The following FYB2 variants were observed in gnomAD, a reference collection of about 807,000 sequenced individuals.
The protein encoded by FYB2 is FYN-binding protein 2.
Under a neutral mutation model 94.1 loss-of-function variants are expected in FYB2, and 103 were observed. The observed-to-expected ratio is 1.09, with a 90% confidence interval of 0.93 to 1.29. FYB2 has a LOEUF of 1.29. Ranked by LOEUF, FYB2 falls within the 50% of genes most tolerant of loss-of-function variation. FYB2 has a pLI of 0.00. For missense variants in FYB2, 896 were observed against 841.5 expected (o/e 1.06, Z -0.80); for synonymous variants, 293 against 287.9 (o/e 1.02, Z -0.18).
chr1:56,792,891 A>C, intron 1 of FYB2, 88 bp from the exon 2 acceptor site: 1 of 1,377,130 alleles, frequency 7.3e-7, no homozygotes, highest in Non-Finnish European at 9.9e-7. Context: ...ATTCCAAGAA[A>C]AAAAGTCAGT....
At chr1:56,759,938 A>G (rs986824777) in intron 5 of FYB2, among the ~76,000 whole-genome samples, 1 of 152,068 alleles carries the variant, frequency 6.6e-6, no homozygotes, top group Non-Finnish European at 1.5e-5. Flanking sequence ...AAAATTAGTC[A>G]GGCACAGTGG....
intron 7 of FYB2, among the ~76,000 whole-genome samples, chr1:56,755,155 A>G (rs1393453444): frequency 6.6e-6 from 1 of 152,134 alleles, no homozygotes; most frequent in Non-Finnish European, 1.5e-5. Context: ...ACTATGTGCC[A>G]GGGCATTCCT....
At chr1:56,788,235 AC>A (rs1370678327) in intron 3 of FYB2, among the ~76,000 whole-genome samples, 5 of 152,184 alleles carry the variant, frequency 3.3e-5, no homozygotes, top group African/African-American at 4.8e-5. Flanking sequence ...ATGAACAAAG[AC>A]TGTGTTAGCT....
chr1:56,778,252 T>C (rs926507981), intron 4 of FYB2, among the ~76,000 whole-genome samples: 1 of 152,208 alleles, frequency 6.6e-6, no homozygotes, highest in South Asian at 2.1e-4. Flanking sequence ...ACAGCCCTCC[T>C]TCCCACCTAT....
rs543775886 is a variant in FYB2 at position 56,793,116 on chromosome 1, A to G, written c.10-313T>C. 7.9e-5 allele frequency among the ~76,000 whole-genome samples: 12 copies of G among 152,306 alleles called. No individual in the cohort carries two copies. In the South Asian group the frequency reaches 2.5e-3, roughly 32 times the overall value. On this transcript the variant is annotated intron_variant, in intron 1 of 19. Transcript: ENST00000343433. ...CTAAAAACAGTGGAGAAACCCCTTG[A>G]TACAAACTTTTGATGGCTCCCCACA...
chr1:56,749,313 A>AT (rs1309497567), intron 9 of FYB2, among the ~76,000 whole-genome samples: 1 of 151,466 alleles, frequency 6.6e-6, no homozygotes, highest in African/African-American at 2.4e-5. Flanking sequence ...TGGAATTCTG[A>AT]TTTTTCTGAT....
In FYB2 at chr1:56,753,948, G is replaced by C. The variant is rs200661231; in HGVS notation, c.1131-13C>G. ...TTCATGTTTAGCACTGAAATGTGAA[G>C]AGATACCAGGAAAAAAATGAAGCTT... On this transcript the variant is annotated splice_polypyrimidine_tract_variant and intron_variant, in intron 7 of 19. Transcript: ENST00000343433. 6.8e-7 allele frequency: 1 copy of C among 1,471,128 alleles called. No homozygotes were observed. The highest frequency in any genetic ancestry group is 9.1e-7 in the Non-Finnish European group (1 of 1,099,228). 91.1% of individuals were successfully genotyped at this position (1,471,128 alleles called of 1,614,324 possible).
At chr1:56,755,714 A>AG (rs1645311604) in intron 7 of FYB2, among the ~76,000 whole-genome samples, 182 bp downstream of exon 7, 1 of 151,930 alleles carries the variant, frequency 6.6e-6, no homozygotes, top group Non-Finnish European at 1.5e-5. Flanking sequence ...ACAAGATAAG[A>AG]GGGGGAGGCA....
At position 56,788,962 on chromosome 1, in the gene FYB2, CA is replaced by C; in HGVS notation, c.919+10del. 6.2e-7 allele frequency: 1 copy of C among 1,613,966 alleles called. No individual in the cohort carries two copies. Among genetic ancestry groups the C allele is most frequent in the East Asian group, 2.2e-5 (1 of 44,860 alleles). ...GGTTGGCCTTGTGTAGGGCCCTGTG[CA>C]TTTCCTTACCTTCCCCCTGAGTCTT... On this transcript the variant is annotated intron_variant, in intron 3 of 19. Coordinates refer to ENST00000343433, the MANE Select transcript of FYB2 (RefSeq NM_001004303.5).
At chr1:56,733,051 C>T (rs552915290) in intron 15 of FYB2, among the ~76,000 whole-genome samples, 1 of 152,016 alleles carries the variant, frequency 6.6e-6, no homozygotes, top group East Asian at 1.9e-4. Context: ...AGACAACTTA[C>T]AGAATGGAGA....
chr1:56,748,786 C>T (rs1645126965), intron 9 of FYB2, among the ~76,000 whole-genome samples: 2 of 151,852 alleles, frequency 1.3e-5, no homozygotes, highest in Admixed American at 1.3e-4. Context: ...TGAATTAATG[C>T]TTTTGCTTAA....
chr1:56,725,185 C>T (rs1369785499), intron 16 of FYB2, among the ~76,000 whole-genome samples: 5 of 151,964 alleles, frequency 3.3e-5, no homozygotes, highest in Admixed American at 2.0e-4. Flanking sequence ...TATAAATTAC[C>T]CAGCCTCAGG....
chr1:56,815,692 A>G (rs1646867409), intron 1 of FYB2, among the ~76,000 whole-genome samples: 2 of 152,090 alleles, frequency 1.3e-5, no homozygotes, highest in Non-Finnish European at 2.9e-5. Flanking sequence ...GGTATTTGAG[A>G]ACTCTCCCAC....
chr1:56,780,626 G>A (rs573004271), intron 4 of FYB2, among the ~76,000 whole-genome samples: 1 of 152,312 alleles, frequency 6.6e-6, no homozygotes, highest in South Asian at 2.1e-4. Flanking sequence ...CTTCATGGGT[G>A]GTTGTAGCTG....
intron 6 of FYB2, among the ~76,000 whole-genome samples, chr1:56,757,277 A>G (rs1490533253): frequency 6.6e-6 from 1 of 152,118 alleles, no homozygotes; most frequent in African/African-American, 2.4e-5. Context: ...ACTGCCATTA[A>G]TAGAAATAAT....
chr1:56,736,924 T>C (rs1008239478), intron 15 of FYB2, among the ~76,000 whole-genome samples, 163 bp downstream of exon 15: 4 of 152,130 alleles, frequency 2.6e-5, no homozygotes, highest in Non-Finnish European at 5.9e-5. Context: ...TTGGATCATA[T>C]ATGTTATTCA....
chr1:56,723,227 A>ACGTG (rs1644521267), intron 17 of FYB2, among the ~76,000 whole-genome samples: 1 of 150,564 alleles, frequency 6.6e-6, no homozygotes, highest in Non-Finnish European at 1.5e-5. Flanking sequence ...ACACACACGC[A>ACGTG]CACACACACA....
At chr1:56,823,635 GC>G (rs1557683477), upstream of FYB2, 1 of 152,162 alleles carries the variant, frequency 6.6e-6, no homozygotes, top group Non-Finnish European at 1.5e-5. Flanking sequence ...TATAGTAAGA[GC>G]TTTTTTGAAG....
At chr1:56,747,222 G>A (rs554477969) in intron 9 of FYB2, among the ~76,000 whole-genome samples, 3 of 151,430 alleles carry the variant, frequency 2.0e-5, no homozygotes, top group South Asian at 2.1e-4. Flanking sequence ...TATCTTCTCC[G>A]ACCCAGTGAC....
Sources: allele counts gnomAD v4.1 joint callset (sites outside exome capture counted in the v4.1 genomes callset), GRCh38; gene constraint gnomAD v4.1.1; transcripts MANE v1.5; gene names NCBI Gene and HGNC (gene_info 2026-07-23, HGNC 2026-07-21).